The following ITPR2 variants were observed in gnomAD, a reference collection of about 807,000 sequenced individuals.
ITPR2 encodes the protein inositol 1,4,5-trisphosphate-gated calcium channel ITPR2.
A neutral mutation model predicts 317.1 loss-of-function variants in ITPR2; 207 were observed. The ratio of observed to expected loss-of-function variants is 0.65; its 90% CI spans 0.58 to 0.73. The LOEUF is 0.73. ITPR2 is among the 30% of genes least tolerant of loss of function. The probability of loss-of-function intolerance (pLI) is 0.00; values close to 1 mark genes in which losing one functional copy is unlikely to be tolerated. For synonymous variants in ITPR2, 1,156 were observed against 1,149.1 expected (o/e 1.01, Z -0.12); for missense variants, 2,613 against 3,284.0 (o/e 0.80, Z 4.99).
At chr12:26,469,938 T>C (rs1057071567) in intron 45 of ITPR2, among the ~76,000 whole-genome samples, 7 of 152,194 alleles carry the variant, frequency 4.6e-5, no homozygotes, top group Admixed American at 1.3e-4. Context: ...TATAGGCTTC[T>C]TTTGAAATAT....
At chr12:26,380,570 ATAGTGTT>A (rs1939480067) in intron 55 of ITPR2, among the ~76,000 whole-genome samples, 1 of 152,238 alleles carries the variant, frequency 6.6e-6, no homozygotes, top group Non-Finnish European at 1.5e-5. Context: ...AGTCTTTAAA[ATAGTGTT>A]TAGTTAAAGA....
rs1015471818 is a variant in ITPR2, at chr12:26,338,544, A to T, written c.*853T>A. On this transcript the variant is annotated 3_prime_UTR_variant, in exon 57 of 57. Coordinates refer to ENST00000381340, the MANE Select transcript of ITPR2 (RefSeq NM_002223.4). ...TTTCTCAATAATTCCTATCACTTTT[A>T]AGCATTTTCATGTATTAATCTCAAT... is the stretch of plus-strand genomic sequence containing the variant. The T allele has an allele frequency of 6.6e-6, 1 of 152,472 alleles. No individual in the cohort carries two copies. The highest frequency in any genetic ancestry group is 1.5e-5 in the Non-Finnish European group (1 of 68,038). 9.4% of individuals were successfully genotyped at this position (152,472 alleles called of 1,614,324 possible).
At chr12:26,547,154 T>C (rs1050020993) in intron 37 of ITPR2, among the ~76,000 whole-genome samples, 40 of 152,202 alleles carry the variant, frequency 2.6e-4, no homozygotes, top group African/African-American at 8.4e-4. Flanking sequence ...ATTATTTATC[T>C]GACTGGAGAC....
chr12:26,387,659 A>G, intron 54 of ITPR2, 65 bp from the exon 55 acceptor site: 2 of 1,446,534 alleles, frequency 1.4e-6, no homozygotes, highest in Non-Finnish European at 1.9e-6. Flanking sequence ...TTCTTAGCAT[A>G]AAAACAAAAC....
chr12:26,459,427 C>A (rs1237662693), intron 45 of ITPR2, among the ~76,000 whole-genome samples: 1 of 152,202 alleles, frequency 6.6e-6, no homozygotes, highest in African/African-American at 2.4e-5. Context: ...AATCCCACAG[C>A]GTTCTCTGTT....
intron 2 of ITPR2, among the ~76,000 whole-genome samples, chr12:26,749,005 ATG>A (rs1949373023): frequency 6.6e-6 from 1 of 152,214 alleles, no homozygotes; most frequent in Non-Finnish European, 1.5e-5. Context: ...CCTTTTATGT[ATG>A]TGTTAAATGA....
At chr12:26,619,988 T>C (rs1465205678) in intron 26 of ITPR2, among the ~76,000 whole-genome samples, 2 of 152,182 alleles carry the variant, frequency 1.3e-5, no homozygotes, top group African/African-American at 4.8e-5. Context: ...GGGTGTCTGA[T>C]TCCAAAACCC....
intron 30 of ITPR2, among the ~76,000 whole-genome samples, chr12:26,598,446 G>T (rs1250562071): frequency 6.6e-6 from 1 of 152,046 alleles, no homozygotes; most frequent in Non-Finnish European, 1.5e-5. Flanking sequence ...AACCCAAATG[G>T]GCCACTAGAG....
chr12:26,595,593 G>A lies in ITPR2; in HGVS notation c.4255-3C>T. 2 of 1,543,132 alleles carry A rather than the reference G, an allele frequency of 1.3e-6. No individual in the cohort carries two copies. Among genetic ancestry groups the A allele is most frequent in the Non-Finnish European group, 8.7e-7 (1 of 1,154,210 alleles). Reference sequence around the variant, plus strand: ...AAGTTCACATAAGCAATTTTAACCTGTGCAAGTTTCAAATACAAAAGAAAG... The same window carrying A: ...AAGTTCACATAAGCAATTTTAACCTATGCAAGTTTCAAATACAAAAGAAAG... On this transcript the variant is annotated splice_polypyrimidine_tract_variant and splice_region_variant and intron_variant, in intron 31 of 56. Coordinates refer to ENST00000381340, the MANE Select transcript of ITPR2 (RefSeq NM_002223.4).
intron 1 of ITPR2, among the ~76,000 whole-genome samples, chr12:26,793,868 C>G (rs1472125381): frequency 6.6e-6 from 1 of 152,090 alleles, no homozygotes; most frequent in South Asian, 2.1e-4. Context: ...TGAAAAAGGC[C>G]AAGAGAGCCT....
intron 33 of ITPR2, among the ~76,000 whole-genome samples, chr12:26,579,382 A>G (rs1945343293): frequency 6.6e-6 from 1 of 152,166 alleles, no homozygotes; most frequent in South Asian, 2.1e-4. Context: ...CAACATAGAG[A>G]TATAGTATCA....
chr12:26,746,959 T>C (rs941722818), intron 2 of ITPR2, among the ~76,000 whole-genome samples: 12 of 152,160 alleles, frequency 7.9e-5, no homozygotes, highest in African/African-American at 2.9e-4. Flanking sequence ...ATGCTTCCTT[T>C]TCAAATTCAC....
chr12:26,778,123 T>C (rs1425163406), intron 2 of ITPR2, among the ~76,000 whole-genome samples: 6 of 152,194 alleles, frequency 3.9e-5, no homozygotes, highest in Non-Finnish European at 2.9e-5. Flanking sequence ...GCCATAGACA[T>C]ACTTAGCAGC....
intron 2 of ITPR2, among the ~76,000 whole-genome samples, chr12:26,752,668 T>C (rs1331962842): frequency 6.6e-6 from 1 of 152,126 alleles, no homozygotes; most frequent in Non-Finnish European, 1.5e-5. Flanking sequence ...GTAGCCATTG[T>C]TTTATGCCTT....
intron 37 of ITPR2, among the ~76,000 whole-genome samples, chr12:26,547,688 G>A (rs1214861288): frequency 6.6e-6 from 1 of 152,226 alleles, no homozygotes; most frequent in Non-Finnish European, 1.5e-5. Context: ...AAGAAAATGT[G>A]ATGAATATAT....
intron 32 of ITPR2, among the ~76,000 whole-genome samples, chr12:26,580,857 A>T (rs1945388261): frequency 6.6e-6 from 1 of 152,172 alleles, no homozygotes; most frequent in African/African-American, 2.4e-5. Flanking sequence ...GTCATTTTGC[A>T]TTTTGCTGTA....
intron 21 of ITPR2, among the ~76,000 whole-genome samples, chr12:26,641,040 T>G (rs547774570): frequency 9.2e-5 from 14 of 152,262 alleles, no homozygotes; most frequent in African/African-American, 3.4e-4. Flanking sequence ...GAGTATGTGA[T>G]TTAGAAAGAT....
At chr12:26,609,219 G>GAATC (rs1357373216) in intron 26 of ITPR2, among the ~76,000 whole-genome samples, 5 of 152,208 alleles carry the variant, frequency 3.3e-5, no homozygotes, top group African/African-American at 1.2e-4. Flanking sequence ...TGATTTGAAT[G>GAATC]AATCAATCAC....
chr12:26,384,788 T>C (rs1939619002), intron 55 of ITPR2, among the ~76,000 whole-genome samples: 1 of 152,236 alleles, frequency 6.6e-6, no homozygotes, highest in African/African-American at 2.4e-5. Context: ...CTCTTGGCTT[T>C]AGATATACTC....
Sources: gnomAD v4.1 joint callset for allele counts (sites outside exome capture counted in the v4.1 genomes callset) on GRCh38, gnomAD v4.1.1 for gene constraint, MANE v1.5 for transcripts, NCBI Gene and HGNC (gene_info 2026-07-23, HGNC 2026-07-21) for gene names.